FRYL: variants seen among roughly 807,000 people sequenced by gnomAD.
The protein encoded by FRYL is protein furry homolog-like.
In FRYL, 150 loss-of-function variants were observed where a neutral mutation model predicts 351.2. The ratio of observed to expected loss-of-function variants is 0.43; its 90% confidence interval spans 0.37 to 0.49. The LOEUF (loss-of-function observed/expected upper bound fraction) is 0.49. FRYL is among the 20% of genes least tolerant of loss of function. The probability of loss-of-function intolerance (pLI) is 0.00; values close to 1 mark genes in which losing one functional copy is unlikely to be tolerated. For missense variants in FRYL, 3,036 were observed against 3,619.3 expected (o/e 0.84, Z 4.13); for synonymous variants, 1,153 against 1,257.1 (o/e 0.92, Z 1.75).
chr4:48,692,317 A>T (rs1430068805), intron 2 of FRYL, among the ~76,000 whole-genome samples: 1 of 152,178 alleles, frequency 6.6e-6, no homozygotes, highest in Non-Finnish European at 1.5e-5. Flanking sequence ...GAATTAGGTT[A>T]AGTCTAGAAC....
At chr4:48,706,181 T>C (rs946145884) in intron 2 of FRYL, among the ~76,000 whole-genome samples, 9 of 152,168 alleles carry the variant, frequency 5.9e-5, no homozygotes, top group African/African-American at 2.2e-4. Flanking sequence ...ATTCTAGGAA[T>C]AGAATTCAGC....
rs761268705 is a variant in FRYL at position 48,564,979 on chromosome 4, T to C, written c.3395A>G (p.Tyr1132Cys). 6.2e-6 allele frequency: 10 copies of C among 1,609,582 alleles called. No homozygotes were observed. In the Admixed American group the frequency reaches 1.0e-4, roughly 16 times the overall value. ...AATGTTATCCAACCATTTGTACAAA[T>C]AGCCATCTGATGAAAGTCCTACATT... ...ADNVGLSSDG[Y>C]LYKWLDNILD... The change falls in exon 30 of 64, where the codon TAT becomes TGT. Residue 1132 changes from tyrosine to cysteine, a missense_variant. By Grantham distance (194) the Tyr-to-Cys change is radical (BLOSUM62 -2). This residue lies in a region of FRYL where 1,987 missense variants were observed against 2,311.7 expected (regional missense o/e 0.86). Coordinates refer to ENST00000358350, the MANE Select transcript of FRYL (RefSeq NM_015030.2).
intron 1 of FRYL, among the ~76,000 whole-genome samples, chr4:48,738,628 G>A (rs569208743): frequency 6.7e-6 from 1 of 150,204 alleles, no homozygotes; most frequent in Admixed American, 6.6e-5. Context: ...CTCCCCAGTA[G>A]TTGGGACTAC....
chr4:48,569,281 A>G (rs1311767865), intron 27 of FRYL, among the ~76,000 whole-genome samples: 1 of 152,192 alleles, frequency 6.6e-6, no homozygotes, highest in Non-Finnish European at 1.5e-5. Context: ...TTGTGGAGGA[A>G]AGAAAAGAGA....
chr4:48,661,118 C>T (rs1331513176), intron 3 of FRYL, among the ~76,000 whole-genome samples: 1 of 152,164 alleles, frequency 6.6e-6, no homozygotes, highest in Non-Finnish European at 1.5e-5. Context: ...GCAGTGGAAA[C>T]TGATTGTAGA....
chr4:48,565,114 A>C, intron 29 of FRYL, 71 bp from the exon 30 acceptor site: 1 of 799,344 alleles, frequency 1.3e-6, no homozygotes, highest in Non-Finnish European at 2.0e-6. Context: ...TAATGAGAAG[A>C]GGCAAAATAC....
chr4:48,760,816 A>G (rs1774326073), intron 1 of FRYL, among the ~76,000 whole-genome samples: 2 of 152,122 alleles, frequency 1.3e-5, no homozygotes, highest in Non-Finnish European at 2.9e-5. Context: ...AGCTGGGACT[A>G]CAGTCGTGCA....
At chr4:48,656,433 C>G (rs1380574930) in intron 3 of FRYL, among the ~76,000 whole-genome samples, 2 of 36,852 alleles carry the variant, frequency 5.4e-5, no homozygotes, top group Non-Finnish European at 9.7e-5. Context: ...AATGTATAAT[C>G]ATGTGTGTAT....
At chr4:48,576,681 A>G (rs1739685259) in intron 23 of FRYL, among the ~76,000 whole-genome samples, 1 of 152,198 alleles carries the variant, frequency 6.6e-6, no homozygotes, top group Non-Finnish European at 1.5e-5. Context: ...ATCAATGAAT[A>G]AAGTAATGGA....
At chr4:48,503,914 C>T (rs775146146) in intron 60 of FRYL, among the ~76,000 whole-genome samples, 17 of 152,122 alleles carry the variant, frequency 1.1e-4, no homozygotes, top group Non-Finnish European at 1.8e-4. Context: ...ATTTTAAATA[C>T]CTTTCCTCAC....
At chr4:48,679,838 T>A (rs1404824410) in intron 3 of FRYL, among the ~76,000 whole-genome samples, 1 of 152,056 alleles carries the variant, frequency 6.6e-6, no homozygotes, top group Non-Finnish European at 1.5e-5. Context: ...AAATGTAATA[T>A]AATTTTAATA....
intron 3 of FRYL, among the ~76,000 whole-genome samples, chr4:48,656,018 T>A (rs1268302520): frequency 2.2e-5 from 3 of 137,850 alleles, no homozygotes; most frequent in African/African-American, 7.9e-5. Context: ...AAATATATAA[T>A]GTAAAATATA....
At position 48,602,098 on chromosome 4, in the gene FRYL, G is replaced by A; in HGVS notation, c.957C>T (p.Cys319=). ...ATTGTTTCTGACTGACACATAAAAG[G>A]CAGGTAATTAGTGGATATAAAGCCT... ...HSLALYPLIT[C]LLCVSQKQFF... is the part of the protein sequence containing the mutation. The change falls in exon 13 of 64, where the codon TGC becomes TGT. Residue 319 remains cysteine (C), a synonymous_variant. Coordinates refer to ENST00000358350, the MANE Select transcript of FRYL (RefSeq NM_015030.2). 6.3e-7 allele frequency: 1 copy of A among 1,592,708 alleles called. No individual in the cohort carries two copies. The highest frequency in any genetic ancestry group is 2.2e-5 in the East Asian group (1 of 44,550).
rs1343366572 is a variant in FRYL, at chr4:48,534,210, A to G, written c.6705+335T>C. Among the ~76,000 whole-genome samples, 3 of 152,338 alleles carry G rather than the reference A, an allele frequency of 2.0e-5. No individual in the cohort carries two copies. In the East Asian group the frequency reaches 5.8e-4, roughly 29 times the overall value. ...CACTGCACTCCAGCCTGGGCAACAG[A>G]GCAAGACTCCTTCTCAAAACAAAAA... On this transcript the variant is annotated intron_variant, in intron 49 of 63. Coordinates refer to ENST00000358350, the MANE Select transcript of FRYL (RefSeq NM_015030.2).
chr4:48,684,566 T>C (rs1005816049), intron 3 of FRYL, 107 bp downstream of exon 3: 1 of 152,244 alleles, frequency 6.6e-6, no homozygotes, highest in Non-Finnish European at 1.5e-5. Flanking sequence ...ATAATAGTTA[T>C]AGGATCAAGA....
Position 48,575,430 on chromosome 4 carries a change from A to G in FRYL, c.2722-189T>C, listed in dbSNP as rs372112960. Among the ~76,000 whole-genome samples, 215 of 152,370 alleles carry G rather than the reference A, an allele frequency of 1.4e-3. 1 individual carries two copies. Among genetic ancestry groups the G allele is most frequent in the African/African-American group, 4.6e-3 (191 of 41,588 alleles). On this transcript the variant is annotated intron_variant, in intron 24 of 63. Coordinates refer to ENST00000358350, the MANE Select transcript of FRYL (RefSeq NM_015030.2). ...AATAGCTTGTCCAATGGCTTAATGC[A>G]AGTTCATTAACAGAACTTGGGGCTC...
intron 13 of FRYL, chr4:48,598,887 T>C: frequency 1.0e-6 from 1 of 981,738 alleles, no homozygotes; most frequent in Non-Finnish European, 1.2e-6. Context: ...AATAAAGCAA[T>C]GTGAGACAGC....
At chr4:48,515,392 A>G (rs1723359878) in intron 55 of FRYL, 117 bp from the exon 56 acceptor site, 1 of 731,254 alleles carries the variant, frequency 1.4e-6, no homozygotes, top group Non-Finnish European at 2.2e-6. Flanking sequence ...GTTCATTTAT[A>G]CAGTCTGTCA....
intron 1 of FRYL, among the ~76,000 whole-genome samples, chr4:48,718,656 C>A (rs1769136060): frequency 6.6e-6 from 1 of 151,454 alleles, no homozygotes; most frequent in African/African-American, 2.4e-5. Context: ...CTACAGACAC[C>A]TTCAACTGCT....
Sources: allele counts gnomAD v4.1 joint callset (sites outside exome capture counted in the v4.1 genomes callset), GRCh38; gene constraint gnomAD v4.1.1; regional missense constraint gnomAD v4.1.1; transcripts MANE v1.5; gene names NCBI Gene and HGNC (gene_info 2026-07-23, HGNC 2026-07-21).